SPOCD1: variants seen among roughly 807,000 people sequenced by gnomAD.
SPOCD1 encodes the protein SPOC domain-containing protein 1.
Under a neutral mutation model 92.2 loss-of-function variants are expected in SPOCD1, and 64 were observed. That is an observed-to-expected ratio of 0.69 (90% CI 0.57 to 0.86). SPOCD1 has a LOEUF of 0.86. SPOCD1 is among the 40% of genes least tolerant of loss of function. The pLI is 0.00. For synonymous variants in SPOCD1, 578 were observed against 619.3 expected, an observed-to-expected ratio of 0.93 and a Z score of 0.99; for missense variants, 1,360 against 1,543.1, an observed-to-expected ratio of 0.88 and a Z score of 1.99.
chr1:31,792,330 G>T lies in SPOCD1; in HGVS notation c.2847C>A (p.Tyr949Ter). The change falls in exon 15 of 16, where the codon TAC becomes TAA. Residue 949 changes from tyrosine (Y) to a stop codon, truncating the protein, a stop_gained. Transcript: ENST00000360482. LOFTEE classifies it high-confidence loss of function. Reference protein sequence around the residue: ...DTQNCRLLYSYLNDRQRHGLA... With the variant: ...DTQNCRLLYS ...GCCCGTGGCGCTGCCTATCATTGAG[G>T]TATGAGTAGAGCAGGCGGCAGTTCT... 6.2e-7 allele frequency: 1 copy of T among 1,614,062 alleles called. No homozygotes were observed. Among genetic ancestry groups the T allele is most frequent in the South Asian group, 1.1e-5 (1 of 91,072 alleles).
At position 31,798,837 on chromosome 1, in the gene SPOCD1, A is replaced by C; in HGVS notation, c.1869-236T>G. 1.7e-6 allele frequency: 1 copy of C among 586,770 alleles called. No individual in the cohort carries two copies. Among genetic ancestry groups the C allele is most frequent in the South Asian group, 2.1e-5 (1 of 46,912 alleles). 36.3% of individuals were successfully genotyped at this position (586,770 alleles called of 1,614,324 possible). A position where few individuals can be genotyped will look rare whatever the true frequency, so the allele number is the denominator to read the frequency against. ...AGGGAAAATAAGAGGCTTACTCACA[A>C]CTGTGTAATTAGTGGCAAAAGCAAG... On this transcript the variant is annotated intron_variant, in intron 7 of 15. Transcript: ENST00000360482. The surrounding 1 kb of genome is among the most constrained non-coding windows in gnomAD (Gnocchi z 4.1).
At chr1:31,810,986 C>G (rs1649158295) in intron 2 of SPOCD1, among the ~76,000 whole-genome samples, 1 of 152,114 alleles carries the variant, frequency 6.6e-6, no homozygotes, top group Non-Finnish European at 1.5e-5. Flanking sequence ...ACTGTGGGGC[C>G]CAGGACGGAC....
rs1486011930 is a variant in SPOCD1 at position 31,790,864 on chromosome 1, A to G, written c.3390T>C (p.Gly1130=). The change falls in exon 16 of 16, where the codon GGT becomes GGC. Residue 1130 remains glycine (G), a synonymous_variant. Coordinates refer to ENST00000360482, the MANE Select transcript of SPOCD1 (RefSeq NM_144569.7). The part of the protein sequence containing the change: ...SQHPYSVAPA[G]HGFGRGQHFH... ...AGTGCTGGCCACGGCCAAAGCCATG[A>G]CCAGCTGGTGCTACTGAATAGGGAT... 1 of 1,568,890 alleles carries G rather than the reference A, an allele frequency of 6.4e-7. No homozygotes were observed. Among genetic ancestry groups the G allele is most frequent in the Non-Finnish European group, 8.6e-7 (1 of 1,157,548 alleles).
Position 31,793,771 on chromosome 1 carries a change from A to T in SPOCD1, c.2510T>A (p.Leu837Ter). 1 of 1,614,166 alleles carries T rather than the reference A, an allele frequency of 6.2e-7. No individual in the cohort carries two copies. Among genetic ancestry groups the T allele is most frequent in the Non-Finnish European group, 8.5e-7 (1 of 1,180,034 alleles). ...CCTGTCCTGTGGTTCCGTGGGAGACAACTCCCTGGTTTTGGGCATCTCTGG... is the reference window on the plus strand; with the variant it reads ...CCTGTCCTGTGGTTCCGTGGGAGACTACTCCCTGGTTTTGGGCATCTCTGG... ...PAPEMPKTRE[L>*]SPTEPQDRVP... Residue 837 changes from leucine to a stop codon, truncating the protein, a stop_gained, in exon 12 of 16, where the codon TTG becomes TAG. Transcript: ENST00000360482. LOFTEE classifies it high-confidence loss of function.
chr1:31,798,673 C>G lies in SPOCD1; in HGVS notation c.1869-72G>C, dbSNP rs1282350913. On this transcript the variant is annotated intron_variant, in intron 7 of 15. Coordinates refer to ENST00000360482, the MANE Select transcript of SPOCD1 (RefSeq NM_144569.7). This position sits in a 1 kb window ranked among gnomAD's most constrained non-coding sequence, Gnocchi z 4.1. ...CCAGGCACTTAGTCCCAGAGGGAGG[C>G]AGCTGGGTGGGCGGCAGGGTCTGGG... 2 of 1,541,320 alleles carry G rather than the reference C, an allele frequency of 1.3e-6. No homozygotes were observed. The highest frequency in any genetic ancestry group is 2.4e-5 in the East Asian group (1 of 42,242).
intron 2 of SPOCD1, among the ~76,000 whole-genome samples, chr1:31,805,057 C>CT (rs1348231625): frequency 7.4e-6 from 1 of 135,434 alleles, no homozygotes; most frequent in Non-Finnish European, 1.5e-5. Context: ...TCTTGGCTCA[C>CT]TGCAACCTCC....
At position 31,814,088 on chromosome 1, in the gene SPOCD1, G is replaced by A. The variant is rs1179425581; in HGVS notation, c.1246C>T (p.Gln416Ter). Residue 416 changes from glutamine (Q) to a stop codon, truncating the protein, a stop_gained, in exon 2 of 16, where the codon CAG becomes TAG. Coordinates refer to ENST00000360482, the MANE Select transcript of SPOCD1 (RefSeq NM_144569.7). LOFTEE classifies it high-confidence loss of function. The surrounding 1 kb of genome is among the most constrained non-coding windows in gnomAD (Gnocchi z 4.2). Reference protein sequence around the residue: ...SRACSGPFMEQRRSKGTKNLK... With the variant: ...SRACSGPFME ...TTCTTAGTGCCCTTGGATCTTCTCT[G>A]CTCCATGAATGGGCCTGAGCAGGCC... 6.2e-7 allele frequency: 1 copy of A among 1,613,526 alleles called. No individual in the cohort carries two copies. The highest frequency in any genetic ancestry group is 1.7e-5 in the Admixed American group (1 of 59,992).
chr1:31,815,206 G>C lies in SPOCD1; in HGVS notation c.128C>G (p.Pro43Arg). The change falls in exon 2 of 16, where the codon CCG becomes CGG. Residue 43 changes from proline to arginine, a missense_variant. By Grantham distance (103) the Pro-to-Arg change is moderately radical. Transcript: ENST00000360482. ...GACTCCGGGCCCAGAGCTTGCTCCC[G>C]GCCCATCTGGTGACAGGCCTGGCAT... ...SSMPGLSPDG[P>R]GASSGPGVRA... 6.2e-7 allele frequency: 1 copy of C among 1,608,218 alleles called. No individual in the cohort carries two copies. The highest frequency in any genetic ancestry group is 8.5e-7 in the Non-Finnish European group (1 of 1,175,604).
chr1:31,814,421 C>T lies in SPOCD1; in HGVS notation c.913G>A (p.Gly305Arg), dbSNP rs555002438. 1.1e-5 allele frequency: 17 copies of T among 1,608,600 alleles called. No individual in the cohort carries two copies. The East Asian group carries it at 1.8e-4, about 17-fold the overall frequency. Reference protein sequence around the residue: ...PQPGSPCGPVGFPVPSGGESL... With the variant: ...PQPGSPCGPVRFPVPSGGESL... Reference sequence around the variant, plus strand: ...TCCCCTCCACTGGGCACTGGGAACCCGACAGGGCCACAGGGGCTGCCTGGC... The same window carrying T: ...TCCCCTCCACTGGGCACTGGGAACCTGACAGGGCCACAGGGGCTGCCTGGC... The change falls in exon 2 of 16, where the codon GGG (glycine) becomes AGG (arginine). Residue 305 changes from glycine (G) to arginine (R), a missense_variant. Around this residue, in one of 3 missense-constraint regions of SPOCD1, gnomAD observed 606 missense variants for 601.5 expected, o/e 1.01. Transcript: ENST00000360482. This position sits in a 1 kb window ranked among gnomAD's most constrained non-coding sequence, Gnocchi z 4.2.
intron 12 of SPOCD1, 87 bp from the exon 13 acceptor site, chr1:31,793,515 T>C: frequency 1.3e-6 from 2 of 1,528,874 alleles, no homozygotes; most frequent in East Asian, 2.5e-5. Context: ...GCAGATCCTG[T>C]GTCCCTACTG....
intron 10 of SPOCD1, chr1:31,796,326 C>A: frequency 1.8e-6 from 1 of 554,698 alleles, no homozygotes; most frequent in Non-Finnish European, 3.3e-6. Flanking sequence ...GATGATGGGA[C>A]TTAATACCAC....
intron 10 of SPOCD1, chr1:31,796,187 T>C (rs1453829233): frequency 6.3e-6 from 2 of 319,508 alleles, no homozygotes; most frequent in Non-Finnish European, 1.2e-5. Context: ...GCCTGGAGCA[T>C]CCCTAAACCA....
At position 31,793,828 on chromosome 1, in the gene SPOCD1, T is replaced by A. The variant is rs554490354; in HGVS notation, c.2453A>T (p.Gln818Leu). Residue 818 changes from glutamine (Q) to leucine (L), a missense_variant, in exon 12 of 16, where the codon CAG becomes CTG. This residue lies in a region of SPOCD1 where 614 missense variants were observed against 757.8 expected (regional missense o/e 0.81). Coordinates refer to ENST00000360482, the MANE Select transcript of SPOCD1 (RefSeq NM_144569.7). Reference protein sequence around the residue: ...AAKSCGDNIFQKALSQTPMPA... With the variant: ...AAKSCGDNIFLKALSQTPMPA... Reference sequence around the variant, plus strand: ...CATAGGAGTTTGGCTTAGGGCTTTCTGGAAGATATTGTCCCCGCAGCTCTT... The same window carrying A: ...CATAGGAGTTTGGCTTAGGGCTTTCAGGAAGATATTGTCCCCGCAGCTCTT... 4.3e-6 allele frequency: 7 copies of A among 1,614,220 alleles called. No individual in the cohort carries two copies. In the South Asian group the frequency reaches 7.7e-5, roughly 18 times the overall value.
Position 31,792,225 on chromosome 1 carries a change from C to T in SPOCD1, c.2952G>A (p.Leu984=), listed in dbSNP as rs1355737589. The T allele has an allele frequency of 6.2e-7, 1 of 1,604,326 alleles. No homozygotes were observed. The highest frequency in any genetic ancestry group is 8.5e-7 in the Non-Finnish European group (1 of 1,175,626). The stretch of plus-strand genomic sequence containing the variant: ...GGACTAGGCACTCACCTGGGCCCCC[C>T]AAAGGGCGCAGCCTGGTGGGCAGGG... The part of the protein sequence containing the change: ...FQPLPTRLRP[L]GGPGLWALPV... Residue 984 remains leucine, a synonymous_variant, in exon 15 of 16, where the codon TTG becomes TTA. Transcript: ENST00000360482.
Position 31,814,750 on chromosome 1 carries a change from G to A in SPOCD1, c.584C>T (p.Thr195Ile). Residue 195 changes from threonine (T) to isoleucine (I), a missense_variant, in exon 2 of 16, where the codon ACA becomes ATA. By Grantham distance (89) the Thr-to-Ile change is moderately conservative. Transcript: ENST00000360482. This position sits in a 1 kb window ranked among gnomAD's most constrained non-coding sequence, Gnocchi z 4.2. ...SKEEPPGRPL[T>I]SSPDPVPVRV... ...CACAGGGACTGGGTCTGGTGAGGATGTCAGGGGCCTTCCAGGGGGCTCCTC... is the reference window on the plus strand; with the variant it reads ...CACAGGGACTGGGTCTGGTGAGGATATCAGGGGCCTTCCAGGGGGCTCCTC... 1.2e-6 allele frequency: 2 copies of A among 1,613,738 alleles called. No homozygotes were observed. Among genetic ancestry groups the A allele is most frequent in the South Asian group, 2.2e-5 (2 of 91,052 alleles).
At chr1:31,808,230 C>T (rs963915373) in intron 2 of SPOCD1, among the ~76,000 whole-genome samples, 3 of 151,450 alleles carry the variant, frequency 2.0e-5, no homozygotes, top group South Asian at 4.2e-4. Flanking sequence ...ATTGAAAACC[C>T]GAAACAAAAC....
At chr1:31,800,750 G>T in intron 3 of SPOCD1, 133 bp from the exon 4 acceptor site, 2 of 767,600 alleles carry the variant, frequency 2.6e-6, no homozygotes, top group Non-Finnish European at 4.1e-6. Flanking sequence ...TAGAGAACAT[G>T]CCTGTCCTGG....
intron 2 of SPOCD1, among the ~76,000 whole-genome samples, chr1:31,805,236 G>A (rs1032588318): frequency 6.6e-5 from 10 of 151,650 alleles, no homozygotes; most frequent in Admixed American, 2.0e-4. Flanking sequence ...CACTGGCCCC[G>A]GCCTCCCAAA....
At chr1:31,797,110 C>T (rs1648083242) in intron 9 of SPOCD1, among the ~76,000 whole-genome samples, 1 of 152,186 alleles carries the variant, frequency 6.6e-6, no homozygotes, top group Non-Finnish European at 1.5e-5. Flanking sequence ...CTGCTCTAAG[C>T]CTCAGTTTAT....
Sources: gnomAD v4.1 joint callset for allele counts (sites outside exome capture counted in the v4.1 genomes callset) on GRCh38, gnomAD v4.1.1 for gene constraint, gnomAD v4.1.1 regional missense constraint, Gnocchi (gnomAD v3.1) non-coding constraint, MANE v1.5 for transcripts, NCBI Gene and HGNC (gene_info 2026-07-23, HGNC 2026-07-21) for gene names.